Variants in GLIS3 observed in about 807,000 individuals in gnomAD.
GLIS3 encodes the protein zinc finger protein GLIS3.
In GLIS3, 53 loss-of-function variants were observed where a neutral mutation model predicts 78.6. The observed-to-expected ratio is 0.67, with a 90% CI of 0.54 to 0.85. The LOEUF is 0.85. Among genes scored for constraint, GLIS3 ranks in the 40% least tolerant of loss-of-function variants. GLIS3 has a pLI of 0.00. For synonymous variants in GLIS3, 684 were observed against 509.9 expected, an observed-to-expected ratio of 1.34 and a Z score of -4.60; for missense variants, 1,703 against 1,231.1, an observed-to-expected ratio of 1.38 and a Z score of -5.74.
intron 9 of GLIS3, among the ~76,000 whole-genome samples, chr9:3,854,867 C>T (rs1258749165): frequency 6.6e-6 from 1 of 152,120 alleles, no homozygotes; most frequent in Non-Finnish European, 1.5e-5. Flanking sequence ...TTATCCAAGC[C>T]TAGCTCCATA....
chr9:4,429,508 A>G, the GLIS3 span, among the ~76,000 whole-genome samples: 1 of 152,274 alleles, frequency 6.6e-6, no homozygotes, highest in Admixed American at 6.5e-5. Context: ...AATGCTCTCC[A>G]CAAGAGCCTT....
intron 4 of GLIS3, among the ~76,000 whole-genome samples, chr9:4,049,872 G>C (rs549446809): frequency 0.037 from 5,596 of 152,182 alleles, 335 homozygotes; most frequent in African/African-American, 0.12. Flanking sequence ...GGCCATCAGA[G>C]AAATGCAAAT....
intron 4 of GLIS3, among the ~76,000 whole-genome samples, chr9:3,987,221 G>C (rs1364799954): frequency 2.0e-5 from 3 of 152,094 alleles, no homozygotes; most frequent in Admixed American, 2.0e-4. Context: ...AGAGGTGAGA[G>C]AGGACAAAAT....
At chr9:4,338,704 T>C (rs922505700) in intron 2 of GLIS3, among the ~76,000 whole-genome samples, 50 of 152,106 alleles carry the variant, frequency 3.3e-4, no homozygotes, top group Non-Finnish European at 4.9e-4. Flanking sequence ...GTACTGGAGA[T>C]TGGTTCCTGT....
At chr9:4,441,740 G>A in the GLIS3 span, among the ~76,000 whole-genome samples, 103 of 152,132 alleles carry the variant, frequency 6.8e-4, no homozygotes, top group African/African-American at 2.3e-3. Flanking sequence ...CAAAGTAGCT[G>A]GGATTGCAGG....
chr9:4,153,663 G>A (rs1834847235), intron 2 of GLIS3, among the ~76,000 whole-genome samples: 1 of 152,160 alleles, frequency 6.6e-6, no homozygotes, highest in African/African-American at 2.4e-5. Flanking sequence ...ATATAGTAAA[G>A]TTTGCATATT....
chr9:3,873,769 G>C (rs1821125477), intron 8 of GLIS3, among the ~76,000 whole-genome samples: 1 of 152,174 alleles, frequency 6.6e-6, no homozygotes, highest in South Asian at 2.1e-4. Flanking sequence ...TAGAATTCTA[G>C]CAATGCTATA....
At chr9:3,970,047 C>CCAGGAAGT (rs1178079497) in intron 4 of GLIS3, among the ~76,000 whole-genome samples, 2 of 152,162 alleles carry the variant, frequency 1.3e-5, no homozygotes, top group Non-Finnish European at 2.9e-5. Flanking sequence ...TCACACACAA[C>CCAGGAAGT]CAGGAAGTCA....
chr9:4,203,650 C>A (rs1157369927), intron 2 of GLIS3, among the ~76,000 whole-genome samples: 1 of 152,172 alleles, frequency 6.6e-6, no homozygotes, highest in Admixed American at 6.5e-5. Context: ...AAGATATATG[C>A]ACTCGTGTGT....
chr9:4,217,659 A>T lies in GLIS3; in HGVS notation c.388+68379T>A, dbSNP rs535494997. Among the ~76,000 whole-genome samples, 26 of 152,340 alleles carry T rather than the reference A, an allele frequency of 1.7e-4. No homozygotes were observed. In the East Asian group the frequency reaches 1.7e-3, roughly 10 times the overall value. On this transcript the variant is annotated intron_variant, in intron 2 of 10. Coordinates refer to ENST00000381971, the MANE Select transcript of GLIS3 (RefSeq NM_001042413.2). The stretch of plus-strand genomic sequence containing the variant: ...TAGAGTGCTGAACTCTGAAAAGATA[A>T]AGCCAATGTGGTTTAATTTACCTGT...
At chr9:3,917,478 A>T (rs915181679) in intron 6 of GLIS3, among the ~76,000 whole-genome samples, 9 of 152,246 alleles carry the variant, frequency 5.9e-5, no homozygotes, top group African/African-American at 2.2e-4. Context: ...TTAAAAAGCC[A>T]AGGAAAACTG....
chr9:4,361,049 G>C, the GLIS3 span, among the ~76,000 whole-genome samples: 1 of 152,188 alleles, frequency 6.6e-6, no homozygotes. Context: ...CATCAGTCAA[G>C]AGTACACATG....
chr9:4,108,562 T>A (rs1011917425), intron 4 of GLIS3, among the ~76,000 whole-genome samples: 9 of 152,204 alleles, frequency 5.9e-5, no homozygotes, highest in African/African-American at 2.2e-4. Flanking sequence ...AATCACCATT[T>A]GCTTTTCTGG....
chr9:4,125,925 C>T lies in GLIS3; in HGVS notation c.405G>A (p.Gly135=), dbSNP rs747087687. 6.2e-7 allele frequency: 1 copy of T among 1,613,824 alleles called. No individual in the cohort carries two copies. The highest frequency in any genetic ancestry group is 1.7e-5 in the Admixed American group (1 of 59,998). The change falls in exon 3 of 11, where the codon GGG becomes GGA. Residue 135 remains glycine (G), a synonymous_variant. Coordinates refer to ENST00000381971, the MANE Select transcript of GLIS3 (RefSeq NM_001042413.2). ...CTTTTCCAATGGACTTGCACTGAGG[C>T]CCAAAGCCAAGAGCCCCTAAAAACA... is the stretch of plus-strand genomic sequence containing the variant. ...PNPGKGALGF[G]PQCKSIGKGS... is the part of the protein sequence containing the mutation.
At chr9:4,296,525 C>G (rs1358732545) in intron 1 of GLIS3, among the ~76,000 whole-genome samples, 1 of 152,172 alleles carries the variant, frequency 6.6e-6, no homozygotes, top group African/African-American at 2.4e-5. Context: ...GTGATGATCA[C>G]TTCTTCCAAG....
the GLIS3 span, among the ~76,000 whole-genome samples, chr9:4,387,887 C>A: frequency 1.3e-5 from 2 of 152,264 alleles, no homozygotes; most frequent in East Asian, 3.9e-4. Flanking sequence ...GTTATAGAAC[C>A]TTTCATGAGG....
chr9:4,417,341 A>G, the GLIS3 span, among the ~76,000 whole-genome samples: 2 of 152,208 alleles, frequency 1.3e-5, no homozygotes, highest in South Asian at 4.1e-4. Context: ...TTCGTATCAA[A>G]CCATGAAAAG....
At chr9:4,321,784 C>T (rs773109807) in intron 2 of GLIS3, among the ~76,000 whole-genome samples, 1 of 152,082 alleles carries the variant, frequency 6.6e-6, no homozygotes, top group African/African-American at 2.4e-5. Context: ...TCTCATCTTA[C>T]CACAGCCTCC....
At chr9:3,901,777 T>A (rs1013318112) in intron 6 of GLIS3, among the ~76,000 whole-genome samples, 8 of 152,200 alleles carry the variant, frequency 5.3e-5, no homozygotes, top group African/African-American at 1.4e-4. Context: ...TGACCAGGAC[T>A]CTCTGTATTA....
Sources: gnomAD v4.1 joint callset for allele counts (sites outside exome capture counted in the v4.1 genomes callset) on GRCh38, gnomAD v4.1.1 for gene constraint, MANE v1.5 for transcripts, NCBI Gene and HGNC (gene_info 2026-07-23, HGNC 2026-07-21) for gene names.